MACROD2: variants seen among roughly 807,000 people sequenced by gnomAD.
The protein encoded by MACROD2 is mono-ADP ribosylhydrolase 2, also known as ADP-ribose glycohydrolase MACROD2.
Under a neutral mutation model 70.4 loss-of-function variants are expected in MACROD2, and 36 were observed. The ratio of observed to expected loss-of-function variants is 0.51; its 90% CI spans 0.39 to 0.68. The LOEUF is 0.68. MACROD2 is among the 30% of genes least tolerant of loss of function. The probability of loss-of-function intolerance (pLI) is 0.00; values close to 1 mark genes in which losing one functional copy is unlikely to be tolerated. For missense variants in MACROD2, 496 were observed against 538.4 expected (o/e 0.92, Z 0.78); for synonymous variants, 172 against 178.8 (o/e 0.96, Z 0.30).
At chr20:15,948,814 T>C (rs527813363) in intron 12 of MACROD2, among the ~76,000 whole-genome samples, 4 of 152,216 alleles carry the variant, frequency 2.6e-5, no homozygotes, top group Non-Finnish European at 5.9e-5. Flanking sequence ...GCTATAATAA[T>C]ATATTTGTAA....
At chr20:15,021,540 A>T (rs1448708578) in intron 5 of MACROD2, 1 of 151,282 alleles carries the variant, frequency 6.6e-6, no homozygotes, top group African/African-American at 2.4e-5. Context: ...ACATATGTAT[A>T]TATATGTGTA....
At chr20:15,844,787 G>A (rs1265537178) in intron 8 of MACROD2, among the ~76,000 whole-genome samples, 1 of 151,878 alleles carries the variant, frequency 6.6e-6, no homozygotes, top group East Asian at 1.9e-4. Flanking sequence ...ATACACAATG[G>A]CACATAAAAG....
At chr20:15,526,439 A>G (rs190290160) in intron 8 of MACROD2, among the ~76,000 whole-genome samples, 15 of 152,332 alleles carry the variant, frequency 9.8e-5, no homozygotes, top group Middle Eastern at 3.4e-3. Flanking sequence ...TTATGGAAAA[A>G]GTGAGAAAAA....
At chr20:15,456,624 T>A (rs985035491) in intron 7 of MACROD2, among the ~76,000 whole-genome samples, 1 of 152,188 alleles carries the variant, frequency 6.6e-6, no homozygotes, top group African/African-American at 2.4e-5. Flanking sequence ...CTAGCTTTCA[T>A]GGAACCTAGA....
At chr20:15,479,942 T>A (rs866788247) in intron 7 of MACROD2, among the ~76,000 whole-genome samples, 8 of 152,216 alleles carry the variant, frequency 5.3e-5, no homozygotes, top group East Asian at 1.9e-4. Context: ...GTTTTAAGGG[T>A]CATTTTGTGG....
chr20:14,732,984 A>G (rs1204753740), intron 5 of MACROD2, among the ~76,000 whole-genome samples: 1 of 152,214 alleles, frequency 6.6e-6, no homozygotes, highest in Non-Finnish European at 1.5e-5. Context: ...AAGACATAGC[A>G]TAGCCACACT....
intron 2 of MACROD2, among the ~76,000 whole-genome samples, chr20:14,015,989 A>G (rs1296644992): frequency 6.6e-6 from 1 of 152,220 alleles, no homozygotes; most frequent in Non-Finnish European, 1.5e-5. Flanking sequence ...GGTATTAACT[A>G]AGAGTGGAAT....
At chr20:14,540,163 C>T (rs2085413799) in intron 4 of MACROD2, among the ~76,000 whole-genome samples, 1 of 152,044 alleles carries the variant, frequency 6.6e-6, no homozygotes, top group South Asian at 2.1e-4. Context: ...AAAAATAAAA[C>T]CCTAAAACCA....
rs774110506 is a variant in MACROD2, at chr20:14,326,721, C to T, written c.272-166758C>T. 6.2e-7 allele frequency: 1 copy of T among 1,613,720 alleles called. No individual in the cohort carries two copies. ...TTAGATAAGAAAAAGCATTTGGGGGCACCCGATTGATGTGGTTATCTTGAA... is the reference window on the plus strand; with the variant it reads ...TTAGATAAGAAAAAGCATTTGGGGGTACCCGATTGATGTGGTTATCTTGAA... On this transcript the variant is annotated intron_variant, in intron 3 of 17. Transcript: ENST00000684519. This position sits in a 1 kb window ranked among gnomAD's most constrained non-coding sequence, Gnocchi z 5.5.
intron 4 of MACROD2, among the ~76,000 whole-genome samples, chr20:14,520,642 G>A (rs375825263): frequency 6.6e-6 from 1 of 152,098 alleles, no homozygotes; most frequent in African/African-American, 2.4e-5. Flanking sequence ...GTGAACTACC[G>A]ATTCTTTATA....
chr20:14,017,442 T>G (rs2053009788), intron 2 of MACROD2, among the ~76,000 whole-genome samples: 1 of 152,130 alleles, frequency 6.6e-6, no homozygotes, highest in African/African-American at 2.4e-5. Flanking sequence ...CACTGAGTAT[T>G]GAGTATTGTG....
chr20:14,826,877 C>G (rs7265514), intron 5 of MACROD2, among the ~76,000 whole-genome samples: 3,762 of 152,154 alleles, frequency 0.025, 170 homozygotes, highest in African/African-American at 0.086. Flanking sequence ...TTAGAAAATT[C>G]AGCAGACAGC....
chr20:14,774,285 T>A (rs2072207259), intron 5 of MACROD2, among the ~76,000 whole-genome samples: 1 of 152,038 alleles, frequency 6.6e-6, no homozygotes. Flanking sequence ...TTCTCAACAG[T>A]ACTTTATAAC....
At chr20:15,641,240 T>C (rs978020801) in intron 8 of MACROD2, among the ~76,000 whole-genome samples, 2 of 152,218 alleles carry the variant, frequency 1.3e-5, no homozygotes, top group Admixed American at 6.5e-5. Flanking sequence ...TTTTCTTCTC[T>C]TTCATCCAAC....
At chr20:15,952,513 A>G (rs1412506139) in intron 12 of MACROD2, among the ~76,000 whole-genome samples, 2 of 152,168 alleles carry the variant, frequency 1.3e-5, no homozygotes, top group Admixed American at 1.3e-4. Flanking sequence ...TGGATATCCA[A>G]CCACCTGATT....
At chr20:15,996,214 G>T (rs1568695261) in intron 15 of MACROD2, among the ~76,000 whole-genome samples, 1 of 151,750 alleles carries the variant, frequency 6.6e-6, no homozygotes, top group Non-Finnish European at 1.5e-5. Flanking sequence ...CAAGTGTAAG[G>T]TCATATCTCA....
chr20:15,373,181 A>C (rs953970594), intron 6 of MACROD2, among the ~76,000 whole-genome samples: 3 of 152,172 alleles, frequency 2.0e-5, no homozygotes, highest in African/African-American at 7.2e-5. Context: ...GAATTCTGTG[A>C]TAGGCCATGT....
intron 5 of MACROD2, among the ~76,000 whole-genome samples, chr20:15,092,932 C>T (rs1467997588): frequency 3.3e-5 from 5 of 152,152 alleles, no homozygotes; most frequent in Non-Finnish European, 5.9e-5. Flanking sequence ...AGGCCCTACA[C>T]ACCAAAATGG....
intron 8 of MACROD2, among the ~76,000 whole-genome samples, chr20:15,710,029 A>T (rs937624828): frequency 1.2e-4 from 19 of 152,130 alleles, no homozygotes; most frequent in Admixed American, 2.6e-4. Context: ...ACTCTGATTT[A>T]AAAACGGGCT....
Sources: gnomAD v4.1 joint callset for allele counts (sites outside exome capture counted in the v4.1 genomes callset) on GRCh38, gnomAD v4.1.1 for gene constraint, Gnocchi (gnomAD v3.1) non-coding constraint, MANE v1.5 for transcripts, NCBI Gene and HGNC (gene_info 2026-07-23, HGNC 2026-07-21) for gene names.